PSMD12: variants seen among roughly 807,000 people sequenced by gnomAD.
PSMD12 encodes the protein proteasome 26S subunit, non-ATPase 12.
PSMD12 carries 8 observed loss-of-function variants against 62.9 expected under a neutral mutation model. That is an observed-to-expected ratio of 0.13 (90% CI 0.07 to 0.23). The LOEUF is 0.23. PSMD12 is among the 10% of genes least tolerant of loss of function. The probability of loss-of-function intolerance (pLI) is 1.00; values close to 1 mark genes in which losing one functional copy is unlikely to be tolerated. For missense variants in PSMD12, 424 were observed against 550.2 expected (o/e 0.77, Z 2.29); for synonymous variants, 173 against 187.4 (o/e 0.92, Z 0.63).
At chr17:67,343,244 C>T (rs1019309588) in intron 9 of PSMD12, among the ~76,000 whole-genome samples, 11 of 152,208 alleles carry the variant, frequency 7.2e-5, no homozygotes, top group Non-Finnish European at 1.5e-4. Context: ...AAGCATTCTT[C>T]TCTGTGCTTT....
At chr17:67,347,049 G>T (rs2041973659) in intron 7 of PSMD12, 67 bp downstream of exon 7, 4 of 1,486,542 alleles carry the variant, frequency 2.7e-6, no homozygotes, top group Admixed American at 4.3e-5. Context: ...AAAAAGATTT[G>T]AAAATAAAAA....
chr17:67,358,526 C>A (rs1439928730), intron 1 of PSMD12, among the ~76,000 whole-genome samples: 1 of 131,166 alleles, frequency 7.6e-6, no homozygotes, highest in Non-Finnish European at 1.5e-5. Flanking sequence ...CAAGATCGCA[C>A]CACTGCACTC....
chr17:67,346,093 A>G (rs570809453), intron 7 of PSMD12, among the ~76,000 whole-genome samples: 2 of 152,002 alleles, frequency 1.3e-5, no homozygotes, highest in South Asian at 4.2e-4. Flanking sequence ...CTAAAAATAC[A>G]AAAATAAAAA....
rs1026331874 is a variant in PSMD12, at chr17:67,353,367, T to C, written c.298-3031A>G. 2.0e-5 allele frequency among the ~76,000 whole-genome samples: 3 copies of C among 150,220 alleles called. No homozygotes were observed. The East Asian group carries it at 5.9e-4, about 30-fold the overall frequency. On this transcript the variant is annotated intron_variant, in intron 3 of 10. Transcript: ENST00000356126. ...TCTCACTCTGTCGCCCAGGCTAGAG[T>C]GCGATCTTGGCTCACTGCAGCTTCC...
chr17:67,342,523 CTGTCT>C (rs2041924488), intron 9 of PSMD12: 2 of 255,138 alleles, frequency 7.8e-6, no homozygotes, highest in African/African-American at 4.4e-5. Flanking sequence ...AAATATATGC[CTGTCT>C]TAACTAGTGG....
At chr17:67,358,644 C>T (rs1598575819) in intron 1 of PSMD12, among the ~76,000 whole-genome samples, 1 of 149,976 alleles carries the variant, frequency 6.7e-6, no homozygotes, top group Admixed American at 6.6e-5. Context: ...ATGAAGTTAC[C>T]GTCACCCTAA....
At chr17:67,348,468 A>G in intron 5 of PSMD12, 82 bp downstream of exon 5, 1 of 1,102,766 alleles carries the variant, frequency 9.1e-7, no homozygotes, top group Non-Finnish European at 1.4e-6. Context: ...CATTTTGGAT[A>G]AGGGATACTC....
intron 5 of PSMD12, among the ~76,000 whole-genome samples, chr17:67,348,328 T>C (rs1455965572): frequency 2.0e-5 from 3 of 152,230 alleles, no homozygotes; most frequent in Non-Finnish European, 4.4e-5. Flanking sequence ...AATAGGTATG[T>C]AGTGGTACCC....
chr17:67,348,399 G>T, intron 5 of PSMD12, 151 bp downstream of exon 5: 1 of 669,082 alleles, frequency 1.5e-6, no homozygotes, highest in Non-Finnish European at 2.5e-6. Context: ...TTTTCAGTAT[G>T]AAAAAAGATG....
intron 1 of PSMD12, among the ~76,000 whole-genome samples, chr17:67,364,296 C>T (rs572513005): frequency 6.6e-6 from 1 of 151,452 alleles, no homozygotes; most frequent in East Asian, 1.9e-4. Flanking sequence ...TTTTTTTAAA[C>T]ACTTCTGTTA....
intron 9 of PSMD12, among the ~76,000 whole-genome samples, chr17:67,343,290 A>T (rs1211830519): frequency 2.0e-5 from 3 of 152,194 alleles, no homozygotes; most frequent in Non-Finnish European, 4.4e-5. Flanking sequence ...TCATGCTTTA[A>T]GTCTAATCAA....
At chr17:67,359,048 A>G (rs1372098425) in intron 1 of PSMD12, among the ~76,000 whole-genome samples, 2 of 152,206 alleles carry the variant, frequency 1.3e-5, no homozygotes, top group East Asian at 1.9e-4. Context: ...CAAAACCAAC[A>G]TACAGCACAA....
chr17:67,358,201 G>C (rs1393342132), intron 1 of PSMD12, among the ~76,000 whole-genome samples: 1 of 152,084 alleles, frequency 6.6e-6, no homozygotes, highest in East Asian at 1.9e-4. Flanking sequence ...GGGATTACAG[G>C]CCTGAGCCAC....
At chr17:67,362,507 T>C (rs1435961084) in intron 1 of PSMD12, among the ~76,000 whole-genome samples, 1 of 151,640 alleles carries the variant, frequency 6.6e-6, no homozygotes, top group East Asian at 1.9e-4. Flanking sequence ...ACCCTGTCTG[T>C]ACTAAAAATA....
At chr17:67,351,432 T>TAATAATAATA (rs1418493805) in intron 3 of PSMD12, among the ~76,000 whole-genome samples, 2 of 96,982 alleles carry the variant, frequency 2.1e-5, no homozygotes, top group Admixed American at 9.8e-5. Flanking sequence ...TAATAATAAT[T>TAATAATAATA]AGGACCATGA....
chr17:67,357,581 A>G lies in PSMD12; in HGVS notation c.109-3T>C. ...ATGACTTCTTGAAGTCTTCCTTCCT[A>G]AAACAAAAGATGAAAATGAACAATA... is the stretch of plus-strand genomic sequence containing the variant. On this transcript the variant is annotated splice_region_variant and splice_polypyrimidine_tract_variant and intron_variant, in intron 1 of 10. Transcript: ENST00000356126. 3.7e-6 allele frequency: 6 copies of G among 1,611,030 alleles called. No homozygotes were observed. Among genetic ancestry groups the G allele is most frequent in the Non-Finnish European group, 4.2e-6 (5 of 1,177,360 alleles).
intron 1 of PSMD12, 88 bp downstream of exon 1, chr17:67,366,324 C>T: frequency 7.7e-7 from 1 of 1,293,886 alleles, no homozygotes; most frequent in Non-Finnish European, 1.1e-6. Context: ...GTGCACGCTC[C>T]AGCCCGCAGG....
rs528604558 is a variant in PSMD12, at chr17:67,340,687, T to C, written c.*156A>G. 51 of 508,320 alleles carry C rather than the reference T, an allele frequency of 1.0e-4. No homozygotes were observed. The highest frequency in any genetic ancestry group is 9.4e-4 in the African/African-American group (47 of 49,942). The allele number at this position is 508,320 out of a possible 1,614,324, so 31.5% of individuals were successfully genotyped here. A position where few individuals can be genotyped will look rare whatever the true frequency, so the allele number is the denominator to read the frequency against. On this transcript the variant is annotated 3_prime_UTR_variant, in exon 11 of 11. Transcript: ENST00000356126. ...GCAAATGCAAAGTTAACAATGAACT[T>C]GGGGAACTGAAAGGTCAAAGGGAGT...
At chr17:67,350,359 T>A in intron 3 of PSMD12, 23 bp from the exon 4 acceptor site, 1 of 1,515,662 alleles carries the variant, frequency 6.6e-7, no homozygotes, top group Non-Finnish European at 9.0e-7. Context: ...AAACCATTCA[T>A]AAGTAAAATA....
Sources: allele counts gnomAD v4.1 joint callset (sites outside exome capture counted in the v4.1 genomes callset), GRCh38; gene constraint gnomAD v4.1.1; transcripts MANE v1.5; gene names NCBI Gene and HGNC (gene_info 2026-07-23, HGNC 2026-07-21).